The following ALG9 variants were observed in gnomAD, a reference collection of about 807,000 sequenced individuals.
The protein encoded by ALG9 is alpha-1,2-mannosyltransferase ALG9.
In ALG9, 55 loss-of-function variants were observed where a neutral mutation model predicts 81.8. That is an observed-to-expected ratio of 0.67 (90% CI 0.54 to 0.84). ALG9 has a LOEUF of 0.84. Among genes scored for constraint, ALG9 ranks in the 40% least tolerant of loss-of-function variants. ALG9 has a pLI of 0.00. For missense variants in ALG9, 629 were observed against 745.0 expected, an observed-to-expected ratio of 0.84 and a Z score of 1.81; for synonymous variants, 278 against 274.3, an observed-to-expected ratio of 1.01 and a Z score of -0.13.
At position 111,836,244 on chromosome 11, in the gene ALG9, G is replaced by T. The variant is rs1955251456; in HGVS notation, c.1523C>A (p.Pro508His). The T allele has an allele frequency of 6.2e-7, 1 of 1,613,928 alleles. No homozygotes were observed. Among genetic ancestry groups the T allele is most frequent in the South Asian group, 1.1e-5 (1 of 91,076 alleles). ...GGTGGCCAGAGGTCCTTCTGCAAAA[G>T]GTTTTGGTAACTGACCTCTGAACTC... ...PSEFRGQLPK[P>H]FAEGPLATRI... Residue 508 changes from proline (P) to histidine (H), a missense_variant, in exon 13 of 15, where the codon CCT (proline) becomes CAT (histidine). Around this residue, in one of 3 missense-constraint regions of ALG9, gnomAD observed 264 missense variants for 302.2 expected, o/e 0.87. Transcript: ENST00000616540.
At chr11:111,781,947 A>G (rs1945969972), downstream of ALG9, among the ~76,000 whole-genome samples, 1 of 152,206 alleles carries the variant, frequency 6.6e-6, no homozygotes, top group African/African-American at 2.4e-5. Context: ...CGCCTGGCCC[A>G]TATATTAATT....
At chr11:111,870,878 G>A (rs1964100432) in intron 1 of ALG9, 1 of 1,000,098 alleles carries the variant, frequency 1.0e-6, no homozygotes, top group South Asian at 4.5e-5. Flanking sequence ...TAGAAGCCTA[G>A]GTGCAAGGTA....
intron 8 of ALG9, among the ~76,000 whole-genome samples, chr11:111,851,829 C>G (rs1358552227): frequency 6.6e-6 from 1 of 152,158 alleles, no homozygotes; most frequent in Non-Finnish European, 1.5e-5. Context: ...AGGGAGACAT[C>G]TAGAGGCAAA....
chr11:111,792,789 G>A (rs1019143246), intron 14 of ALG9, among the ~76,000 whole-genome samples: 1 of 152,180 alleles, frequency 6.6e-6, no homozygotes, highest in African/African-American at 2.4e-5. Context: ...ACATCAGAGT[G>A]TGGCACTGGA....
chr11:111,848,605 A>AG (rs1463085650), intron 8 of ALG9, among the ~76,000 whole-genome samples: 2 of 151,890 alleles, frequency 1.3e-5, no homozygotes, highest in African/African-American at 4.8e-5. Flanking sequence ...AAAAAAAAAA[A>AG]AAAGAAAACC....
At chr11:111,869,659 T>C (rs956625718) in intron 2 of ALG9, among the ~76,000 whole-genome samples, 2 of 152,116 alleles carry the variant, frequency 1.3e-5, no homozygotes, top group Admixed American at 6.5e-5. Context: ...CAGCCTTCAA[T>C]AGCAGGTAAA....
At chr11:111,870,094 G>GT (rs1399469113) in intron 2 of ALG9, 138 bp downstream of exon 2, 38 of 1,106,008 alleles carry the variant, frequency 3.4e-5, no homozygotes, top group Middle Eastern at 3.2e-4. Flanking sequence ...TTATAGGCCT[G>GT]TTTTTTTGTT....
At chr11:111,797,569 G>T (rs1272058944) in intron 14 of ALG9, among the ~76,000 whole-genome samples, 1 of 152,248 alleles carries the variant, frequency 6.6e-6, no homozygotes, top group Non-Finnish European at 1.5e-5. Context: ...AAGTATGGAT[G>T]ACTGTTACAC....
At chr11:111,797,705 A>C (rs1948513333) in intron 14 of ALG9, among the ~76,000 whole-genome samples, 1 of 152,186 alleles carries the variant, frequency 6.6e-6, no homozygotes. Flanking sequence ...CTTCAACCAG[A>C]TTACTCTCTA....
chr11:111,788,385 C>T (rs749654925), intron 14 of ALG9: 1 of 453,854 alleles, frequency 2.2e-6, no homozygotes, highest in Middle Eastern at 6.9e-4. Context: ...GGAGAAGAGA[C>T]ATGAGACAAA....
At chr11:111,778,741 G>T (rs1015000933), downstream of ALG9, among the ~76,000 whole-genome samples, 4 of 151,796 alleles carry the variant, frequency 2.6e-5, no homozygotes, top group African/African-American at 4.8e-5. Context: ...CATAATGGAT[G>T]CCTGGGCCCA....
chr11:111,790,188 TG>T (rs1249429723), intron 14 of ALG9, among the ~76,000 whole-genome samples: 2 of 152,006 alleles, frequency 1.3e-5, no homozygotes, highest in African/African-American at 4.8e-5. Context: ...AAAAATTAGC[TG>T]GGCATGGTGG....
chr11:111,855,409 C>G (rs1958503122), intron 6 of ALG9, among the ~76,000 whole-genome samples: 2 of 152,138 alleles, frequency 1.3e-5, no homozygotes, highest in Non-Finnish European at 2.9e-5. Context: ...GTTTGGAGAG[C>G]TGATTTACAG....
rs1199800454 is a variant in ALG9 at position 111,857,830 on chromosome 11, T to A, written c.566-93A>T. The stretch of plus-strand genomic sequence containing the variant: ...AAACTGATTAAAAATTTACCTACAT[T>A]ATAAAATGTCAATAAACAGGTACAT... On this transcript the variant is annotated intron_variant, in intron 5 of 14. Transcript: ENST00000616540. The A allele has an allele frequency of 2.1e-6, 3 of 1,405,832 alleles. No homozygotes were observed. In the East Asian group the frequency reaches 7.3e-5, roughly 34 times the overall value. 87.1% of individuals were successfully genotyped at this position (1,405,832 alleles called of 1,614,324 possible).
chr11:111,834,514 C>T (rs782156886), intron 13 of ALG9, among the ~76,000 whole-genome samples: 34 of 152,116 alleles, frequency 2.2e-4, no homozygotes, highest in African/African-American at 5.8e-4. Context: ...TATCATAATT[C>T]CAAAGTAGGT....
intron 14 of ALG9, among the ~76,000 whole-genome samples, chr11:111,791,450 G>C (rs952381263): frequency 2.0e-5 from 3 of 152,184 alleles, no homozygotes; most frequent in Admixed American, 1.3e-4. Context: ...GGTACGCTAA[G>C]CAGGAAAAGC....
intron 5 of ALG9, among the ~76,000 whole-genome samples, chr11:111,860,166 C>A (rs1959562053): frequency 6.6e-6 from 1 of 152,178 alleles, no homozygotes; most frequent in Non-Finnish European, 1.5e-5. Flanking sequence ...GAATTACTTT[C>A]TTTCCACTAA....
intron 14 of ALG9, among the ~76,000 whole-genome samples, chr11:111,801,011 C>A (rs1260399722): frequency 2.0e-5 from 3 of 152,142 alleles, no homozygotes; most frequent in Admixed American, 2.0e-4. Context: ...CTATTAAAAC[C>A]TTTTTCTTTT....
Position 111,828,437 on chromosome 11 carries a change from G to A in ALG9, c.1602+7728C>T, listed in dbSNP as rs904627959. Among the ~76,000 whole-genome samples, 11 of 152,264 alleles carry A rather than the reference G, an allele frequency of 7.2e-5. No individual in the cohort carries two copies. In the East Asian group the frequency reaches 7.7e-4, roughly 11 times the overall value. On this transcript the variant is annotated intron_variant, in intron 13 of 14. Transcript: ENST00000616540. ...ATAACGTACTTGCCTTGTGCACTGC[G>A]GCATCCTCTTTAGTCCTAGGTTTCT...
Sources: gnomAD v4.1 joint callset for allele counts (sites outside exome capture counted in the v4.1 genomes callset) on GRCh38, gnomAD v4.1.1 for gene constraint, gnomAD v4.1.1 regional missense constraint, MANE v1.5 for transcripts, NCBI Gene and HGNC (gene_info 2026-07-23, HGNC 2026-07-21) for gene names.